LRRC4C: variants seen among roughly 807,000 people sequenced by gnomAD.
The protein encoded by LRRC4C is leucine-rich repeat-containing protein 4C.
A neutral mutation model predicts 33.6 loss-of-function variants in LRRC4C; 5 were observed. The observed-to-expected ratio is 0.15, with a 90% CI of 0.08 to 0.31. The LOEUF is 0.31. Ranked by LOEUF, LRRC4C falls within the 10% of genes least tolerant of loss-of-function variation. The pLI, the probability that LRRC4C is intolerant of heterozygous loss-of-function variation, is 1.00. For missense variants in LRRC4C, 560 were observed against 796.7 expected (o/e 0.70, Z 3.58); for synonymous variants, 329 against 302.0 (o/e 1.09, Z -0.93).
chr11:40,502,456 C>G lies in LRRC4C; in HGVS notation c.-270+145686G>C, dbSNP rs556278740. Reference sequence around the variant, plus strand: ...CACAGTTCCATGTGACTTGGGAAGCCTCACAATCATGGTGGGAGGTGAAAG... The same window carrying G: ...CACAGTTCCATGTGACTTGGGAAGCGTCACAATCATGGTGGGAGGTGAAAG... On this transcript the variant is annotated intron_variant, in intron 3 of 6. Coordinates refer to ENST00000528697, the MANE Select transcript of LRRC4C (RefSeq NM_001258419.2). Among the ~76,000 whole-genome samples, 11 of 152,234 alleles carry G rather than the reference C, an allele frequency of 7.2e-5. No individual in the cohort carries two copies. In the South Asian group the frequency reaches 2.1e-3, roughly 29 times the overall value.
intron 3 of LRRC4C, among the ~76,000 whole-genome samples, chr11:40,390,316 T>G (rs1949287226): frequency 6.6e-6 from 1 of 152,192 alleles, no homozygotes; most frequent in South Asian, 2.1e-4. Context: ...TAATCTCGAG[T>G]GTTAAACTGA....
At position 41,214,815 on chromosome 11, in the gene LRRC4C, A is replaced by G. The variant is rs192371283; in HGVS notation, c.-496+244616T>C. On this transcript the variant is annotated intron_variant, in intron 1 of 6. Transcript: ENST00000528697. ...TGTGTGTATATATATGTGTGTGTGTATATATATATTATATATATGTATATA... is the reference window on the plus strand; with the variant it reads ...TGTGTGTATATATATGTGTGTGTGTGTATATATATTATATATATGTATATA... Among the ~76,000 whole-genome samples, 787 of 146,002 alleles carry G rather than the reference A, an allele frequency of 5.4e-3. 7 individuals carry two copies. Among genetic ancestry groups the G allele is most frequent in the African/African-American group, 0.018 (725 of 40,164 alleles).
intron 3 of LRRC4C, among the ~76,000 whole-genome samples, chr11:40,330,580 C>T (rs1244113551): frequency 1.3e-5 from 2 of 152,102 alleles, no homozygotes; most frequent in Admixed American, 6.5e-5. Context: ...TTCTGCATGG[C>T]TGGGGAGGAC....
At chr11:41,098,789 C>A (rs1384573655) in intron 1 of LRRC4C, among the ~76,000 whole-genome samples, 1 of 151,624 alleles carries the variant, frequency 6.6e-6, no homozygotes, top group Non-Finnish European at 1.5e-5. Flanking sequence ...ACTAGAAAAG[C>A]AAGAGAAAAC....
intron 1 of LRRC4C, among the ~76,000 whole-genome samples, chr11:41,056,878 A>G (rs1028566599): frequency 6.6e-6 from 1 of 152,228 alleles, no homozygotes; most frequent in African/African-American, 2.4e-5. Flanking sequence ...AAGCTTGGCC[A>G]GGGCTGCTGC....
At chr11:40,319,187 CTCTTCCT>C (rs1945722881) in intron 4 of LRRC4C, among the ~76,000 whole-genome samples, 1 of 152,194 alleles carries the variant, frequency 6.6e-6, no homozygotes, top group Non-Finnish European at 1.5e-5. Flanking sequence ...AACCCCTTTT[CTCTTCCT>C]TCTTCTTGGT....
intron 1 of LRRC4C, among the ~76,000 whole-genome samples, chr11:41,064,576 G>A (rs538870479): frequency 1.1e-4 from 16 of 152,316 alleles, no homozygotes; most frequent in African/African-American, 3.8e-4. Context: ...TTAGGGATAT[G>A]GTTTGGCTCT....
chr11:40,971,030 A>G (rs951595745), intron 1 of LRRC4C, among the ~76,000 whole-genome samples: 19 of 152,182 alleles, frequency 1.2e-4, no homozygotes, highest in African/African-American at 3.9e-4. Flanking sequence ...ACTTGTATTT[A>G]AAGGGGAAGT....
chr11:41,396,305 C>T (rs1953810637), intron 1 of LRRC4C, among the ~76,000 whole-genome samples: 1 of 151,966 alleles, frequency 6.6e-6, no homozygotes, highest in Non-Finnish European at 1.5e-5. Flanking sequence ...ATAGGCATTG[C>T]TCAGGTTCTG....
intron 2 of LRRC4C, among the ~76,000 whole-genome samples, chr11:40,661,445 T>C (rs755191460): frequency 3.3e-5 from 5 of 152,232 alleles, no homozygotes; most frequent in Non-Finnish European, 7.3e-5. Flanking sequence ...AGGAAAATCA[T>C]ATCTATTTTT....
At chr11:40,836,711 C>T (rs1952686312) in intron 2 of LRRC4C, among the ~76,000 whole-genome samples, 1 of 152,238 alleles carries the variant, frequency 6.6e-6, no homozygotes, top group South Asian at 2.1e-4. Flanking sequence ...GCTAGATGTC[C>T]TACAGCAAGT....
chr11:40,421,161 T>C (rs1405199522), intron 3 of LRRC4C, among the ~76,000 whole-genome samples: 1 of 152,232 alleles, frequency 6.6e-6, no homozygotes, highest in East Asian at 1.9e-4. Context: ...TTTAATACTT[T>C]CTTGATATAC....
intron 3 of LRRC4C, among the ~76,000 whole-genome samples, chr11:40,629,796 C>A (rs1178574505): frequency 6.6e-6 from 1 of 152,108 alleles, no homozygotes. Flanking sequence ...TATTATGGCA[C>A]CATTTGCCTC....
chr11:41,237,785 AT>A (rs757357167), intron 1 of LRRC4C, among the ~76,000 whole-genome samples: 2 of 151,752 alleles, frequency 1.3e-5, no homozygotes, highest in Non-Finnish European at 2.9e-5. Context: ...AGAGCTTTCA[AT>A]TTTTTTTCAC....
chr11:40,934,467 T>A (rs1452582077), intron 1 of LRRC4C, among the ~76,000 whole-genome samples: 1 of 152,230 alleles, frequency 6.6e-6, no homozygotes, highest in Non-Finnish European at 1.5e-5. Flanking sequence ...ATAACAGACA[T>A]TCACACATTA....
At chr11:40,960,810 G>A (rs1850929866) in intron 1 of LRRC4C, among the ~76,000 whole-genome samples, 1 of 151,720 alleles carries the variant, frequency 6.6e-6, no homozygotes, top group Admixed American at 6.6e-5. Flanking sequence ...GCCAAAGGCT[G>A]TCAGTGGGTG....
chr11:41,119,339 C>T (rs1456723269), intron 1 of LRRC4C, among the ~76,000 whole-genome samples: 1 of 152,092 alleles, frequency 6.6e-6, no homozygotes, highest in Non-Finnish European at 1.5e-5. Context: ...TCCCTAAGGT[C>T]ACACAGCTAG....
chr11:40,190,835 T>C (rs1008012765), intron 5 of LRRC4C, among the ~76,000 whole-genome samples: 2 of 152,040 alleles, frequency 1.3e-5, no homozygotes, highest in Non-Finnish European at 2.9e-5. Flanking sequence ...TGATAGAAAA[T>C]TGGATTTTTA....
At chr11:40,455,254 C>A (rs191571751) in intron 3 of LRRC4C, among the ~76,000 whole-genome samples, 3 of 152,158 alleles carry the variant, frequency 2.0e-5, no homozygotes, top group Non-Finnish European at 2.9e-5. Context: ...ATGGCTACTG[C>A]CTTTGTACAA....
Sources: allele counts gnomAD v4.1 joint callset (sites outside exome capture counted in the v4.1 genomes callset), GRCh38; gene constraint gnomAD v4.1.1; transcripts MANE v1.5; gene names NCBI Gene and HGNC (gene_info 2026-07-23, HGNC 2026-07-21).